The following SLC9B2 variants were observed in gnomAD, a reference collection of about 807,000 sequenced individuals.
SLC9B2 encodes sodium/hydrogen exchanger 9B2.
Under a neutral mutation model 52.2 loss-of-function variants are expected in SLC9B2, and 39 were observed. The observed-to-expected ratio is 0.75, with a 90% CI of 0.58 to 0.98. The LOEUF is 0.98. SLC9B2 is among the 50% of genes least tolerant of loss of function. The probability of loss-of-function intolerance (pLI) is 0.00; values close to 1 mark genes in which losing one functional copy is unlikely to be tolerated. For synonymous variants in SLC9B2, 214 were observed against 227.0 expected (o/e 0.94, Z 0.51); for missense variants, 626 against 637.5 (o/e 0.98, Z 0.19).
chr4:103,062,456 A>G (rs911266007), intron 3 of SLC9B2, among the ~76,000 whole-genome samples: 1 of 151,994 alleles, frequency 6.6e-6, no homozygotes, highest in Non-Finnish European at 1.5e-5. Flanking sequence ...CTTCAAGACT[A>G]TTAAAAAAAT....
chr4:103,045,616 G>A (rs1318770653), intron 7 of SLC9B2, among the ~76,000 whole-genome samples: 2 of 152,018 alleles, frequency 1.3e-5, no homozygotes, highest in Admixed American at 6.6e-5. Context: ...CACGTAGTTG[G>A]TGGGGGGGTG....
chr4:103,027,995 T>C (rs555140084), intron 11 of SLC9B2, among the ~76,000 whole-genome samples: 4 of 152,316 alleles, frequency 2.6e-5, no homozygotes, highest in South Asian at 2.1e-4. Context: ...TGTTGTTTGA[T>C]GTAATTAGTC....
In SLC9B2 at chr4:103,023,090, C is replaced by A. The variant is rs72943508; in HGVS notation, c.*3280G>T. Reference sequence around the variant, plus strand: ...TGGTATTTTGTTATAGCAGCCCAAGCTGACTAAGATAGACTAAGTGGACTA... The same window carrying A: ...TGGTATTTTGTTATAGCAGCCCAAGATGACTAAGATAGACTAAGTGGACTA... On this transcript the variant is annotated 3_prime_UTR_variant, in exon 12 of 12. Coordinates refer to ENST00000394785, the MANE Select transcript of SLC9B2 (RefSeq NM_178833.7). Among the ~76,000 whole-genome samples, 316 of 152,254 alleles carry A rather than the reference C, an allele frequency of 2.1e-3. No individual in the cohort carries two copies. The highest frequency in any genetic ancestry group is 7.4e-3 in the African/African-American group (308 of 41,558).
chr4:103,056,050 C>T (rs909430467), intron 4 of SLC9B2, among the ~76,000 whole-genome samples: 2 of 151,962 alleles, frequency 1.3e-5, no homozygotes, highest in Admixed American at 6.6e-5. Context: ...GTGATCTGCC[C>T]GGCTTGGTCT....
downstream of SLC9B2, among the ~76,000 whole-genome samples, chr4:103,018,615 T>C (rs1741536039): frequency 6.6e-6 from 1 of 152,012 alleles, no homozygotes; most frequent in Admixed American, 6.5e-5. Context: ...GCCAGTTGTC[T>C]CCCCACATCA....
In SLC9B2 at chr4:103,023,628, C is replaced by A. The variant is rs1426264844; in HGVS notation, c.*2742G>T. Among the ~76,000 whole-genome samples the A allele has an allele frequency of 6.6e-6, 1 of 152,118 alleles. No individual in the cohort carries two copies. The highest frequency in any genetic ancestry group is 1.5e-5 in the Non-Finnish European group (1 of 68,026). The stretch of plus-strand genomic sequence containing the variant: ...TACAAAGAGCTTCCAGGAATAGGCA[C>A]AAATTTCAGAGATCCAATAGAGGAA... On this transcript the variant is annotated 3_prime_UTR_variant, in exon 12 of 12. Transcript: ENST00000394785.
Position 103,031,734 on chromosome 4 carries a change from C to G in SLC9B2, c.1221G>C (p.Glu407Asp). The change falls in exon 10 of 12, where the codon GAG becomes GAC. Residue 407 changes from glutamate (E) to aspartate (D), a missense_variant. Coordinates refer to ENST00000394785, the MANE Select transcript of SLC9B2 (RefSeq NM_178833.7). ...CTGGTCTGAGAGATGCAATAGATAC[C>G]TCTGCTCCAATTAGTCCAAAAAGAA... ...QPLLFGLIGA[E>D]VSIASLRPET... is the part of the protein sequence containing the mutation. 1 of 1,612,740 alleles carries G rather than the reference C, an allele frequency of 6.2e-7. No individual in the cohort carries two copies. Among genetic ancestry groups the G allele is most frequent in the South Asian group, 1.1e-5 (1 of 91,034 alleles).
intron 4 of SLC9B2, among the ~76,000 whole-genome samples, chr4:103,051,850 C>A (rs1334203494): frequency 6.6e-6 from 1 of 152,082 alleles, no homozygotes; most frequent in African/African-American, 2.4e-5. Context: ...AATAATATAT[C>A]CTGGACATTT....
downstream of SLC9B2, among the ~76,000 whole-genome samples, chr4:103,019,220 G>A (rs1292845974): frequency 1.3e-5 from 2 of 152,098 alleles, no homozygotes; most frequent in African/African-American, 4.8e-5. Flanking sequence ...CCAGTCGCAG[G>A]AGCATGTATG....
At chr4:103,047,029 T>G in intron 7 of SLC9B2, 22 bp downstream of exon 7, 2 of 1,605,298 alleles carry the variant, frequency 1.2e-6, no homozygotes, top group Non-Finnish European at 1.7e-6. Context: ...GAGTAAAGCC[T>G]GTTGTGAACT....
chr4:103,076,173 G>T lies in SLC9B2; in HGVS notation c.-43+11C>A, dbSNP rs1747132620. 6.6e-6 allele frequency: 1 copy of T among 152,346 alleles called. No individual in the cohort carries two copies. Among genetic ancestry groups the T allele is most frequent in the Admixed American group, 6.5e-5 (1 of 15,280 alleles). The allele number at this position is 152,346 out of a possible 1,614,324, so 9.4% of individuals were successfully genotyped here. ...TTTATTTTTACCCTTAGTGTCTCTG[G>T]GGCCTCTCACCTGGCAGTCTCCGGC... On this transcript the variant is annotated intron_variant, in intron 1 of 11. Transcript: ENST00000394785.
chr4:103,058,048 T>C, intron 3 of SLC9B2, 77 bp from the exon 4 acceptor site: 1 of 1,262,554 alleles, frequency 7.9e-7, no homozygotes. Context: ...AAATAATTTG[T>C]AAAAATAAAT....
At position 103,050,318 on chromosome 4, in the gene SLC9B2, C is replaced by T. The variant is rs766394992; in HGVS notation, c.507G>A (p.Lys169=). Reference sequence around the variant, plus strand: ...TTCTCAAAGAGGAAGACCACTTGTGCTTGATCTGCACATTATCGTTGATGA... The same window carrying T: ...TTCTCAAAGAGGAAGACCACTTGTGTTTGATCTGCACATTATCGTTGATGA... ...IPVINDNVQI[K]HKWSSSLRSI... Residue 169 remains lysine, a synonymous_variant, in exon 5 of 12, where the codon AAG becomes AAA. Transcript: ENST00000394785. 6.2e-7 allele frequency: 1 copy of T among 1,611,090 alleles called. No homozygotes were observed. The highest frequency in any genetic ancestry group is 2.2e-5 in the East Asian group (1 of 44,546).
At chr4:103,066,562 T>C in intron 2 of SLC9B2, 55 bp from the exon 3 acceptor site, 1 of 1,497,368 alleles carries the variant, frequency 6.7e-7, no homozygotes. Flanking sequence ...TTACACATAT[T>C]TATAGGTACT....
At chr4:103,019,785 G>C (rs1477490547), downstream of SLC9B2, 3 of 985,636 alleles carry the variant, frequency 3.0e-6, no homozygotes, top group Non-Finnish European at 3.6e-6. Flanking sequence ...TGTCCGCGCC[G>C]GCAGAGGCGA....
chr4:103,072,611 AG>A (rs1746761831), intron 1 of SLC9B2, among the ~76,000 whole-genome samples: 1 of 152,246 alleles, frequency 6.6e-6, no homozygotes, highest in Non-Finnish European at 1.5e-5. Flanking sequence ...ATATTCCAGA[AG>A]AAATAAAGGA....
chr4:103,019,642 G>A (rs1741648614), downstream of SLC9B2: 5 of 985,378 alleles, frequency 5.1e-6, no homozygotes, highest in Non-Finnish European at 6.0e-6. Flanking sequence ...GAGCGGCCCA[G>A]GAGCCCAGTG....
rs545599808 is a variant in SLC9B2, at chr4:103,062,219, G to A, written c.271+4108C>T. 7.2e-5 allele frequency among the ~76,000 whole-genome samples: 11 copies of A among 152,200 alleles called. 1 individual carries two copies. The South Asian group carries it at 1.9e-3, about 26-fold the overall frequency. The stretch of plus-strand genomic sequence containing the variant: ...AGGCGGATCATGAGGTCAGAAGTTC[G>A]AGACCAGCCTGACCAACATGGTGAA... On this transcript the variant is annotated intron_variant, in intron 3 of 11. Coordinates refer to ENST00000394785, the MANE Select transcript of SLC9B2 (RefSeq NM_178833.7).
intron 3 of SLC9B2, among the ~76,000 whole-genome samples, chr4:103,064,196 C>T (rs1266399241): frequency 1.3e-5 from 2 of 152,168 alleles, no homozygotes; most frequent in Non-Finnish European, 2.9e-5. Context: ...TCTGCACTCC[C>T]ATGTTTATTG....
Sources: gnomAD v4.1 joint callset for allele counts (sites outside exome capture counted in the v4.1 genomes callset) on GRCh38, gnomAD v4.1.1 for gene constraint, MANE v1.5 for transcripts, NCBI Gene and HGNC (gene_info 2026-07-23, HGNC 2026-07-21) for gene names.